CALN1: variants seen among roughly 807,000 people sequenced by gnomAD.
CALN1 encodes calneuron 1.
In CALN1, 17 loss-of-function variants were observed where a neutral mutation model predicts 30.6. The ratio of observed to expected loss-of-function variants is 0.56; its 90% CI spans 0.38 to 0.83. CALN1 has a LOEUF of 0.83. Among genes scored for constraint, CALN1 ranks in the 40% least tolerant of loss-of-function variants. CALN1 has a pLI of 0.00. For synonymous variants in CALN1, 156 were observed against 131.4 expected, an observed-to-expected ratio of 1.19 and a Z score of -1.28; for missense variants, 291 against 354.9, an observed-to-expected ratio of 0.82 and a Z score of 1.45.
chr7:71,825,840 C>T (rs1788876645), intron 5 of CALN1, among the ~76,000 whole-genome samples: 1 of 151,890 alleles, frequency 6.6e-6, no homozygotes, highest in Admixed American at 6.6e-5. Flanking sequence ...CAAGACCAGC[C>T]TGACCAACAC....
chr7:72,477,776 T>G, the CALN1 span, among the ~76,000 whole-genome samples: 1 of 152,166 alleles, frequency 6.6e-6, no homozygotes, highest in South Asian at 2.1e-4. Context: ...CCTAGGCTGG[T>G]CTCGAACTCC....
intron 5 of CALN1, among the ~76,000 whole-genome samples, chr7:72,009,690 C>T (rs1217784924): frequency 6.6e-6 from 1 of 152,134 alleles, no homozygotes; most frequent in Non-Finnish European, 1.5e-5. Flanking sequence ...GTGGTTTCCC[C>T]CATACTGTTC....
chr7:71,828,588 G>C (rs1789067895), intron 5 of CALN1, among the ~76,000 whole-genome samples: 1 of 150,826 alleles, frequency 6.6e-6, no homozygotes, highest in Admixed American at 6.6e-5. Context: ...ATCTTCCAGT[G>C]ACCTAGAAGC....
chr7:72,225,563 C>T lies in CALN1; in HGVS notation c.244+53123G>A, dbSNP rs111493153. Among the ~76,000 whole-genome samples, 416 of 152,068 alleles carry T rather than the reference C, an allele frequency of 2.7e-3. 2 individuals are homozygous for T. The highest frequency in any genetic ancestry group is 9.4e-3 in the African/African-American group (392 of 41,518). On this transcript the variant is annotated intron_variant, in intron 3 of 6. Coordinates refer to ENST00000395275, the MANE Select transcript of CALN1 (RefSeq NM_031468.4). ...CTAGACGGAAAGATCACACACAGCT[C>T]GGTCTCTGAAGACTGATAATTCCAC...
At position 71,827,146 on chromosome 7, in the gene CALN1, A is replaced by T. The variant is rs539415133; in HGVS notation, c.502-16654T>A. 1.9e-3 allele frequency among the ~76,000 whole-genome samples: 295 copies of T among 152,322 alleles called. 3 individuals are homozygous for T. Among genetic ancestry groups the T allele is most frequent in the Non-Finnish European group, 2.1e-3 (146 of 68,026 alleles). On this transcript the variant is annotated intron_variant, in intron 5 of 6. Transcript: ENST00000395275. Reference sequence around the variant, plus strand: ...TACATCATGGGTGAGAGGAGGCTGCATTTCAACTTGGCGTGTCACTTAAAT... The same window carrying T: ...TACATCATGGGTGAGAGGAGGCTGCTTTTCAACTTGGCGTGTCACTTAAAT...
intron 5 of CALN1, among the ~76,000 whole-genome samples, chr7:71,940,840 T>G (rs1452486549): frequency 6.6e-6 from 1 of 152,172 alleles, no homozygotes; most frequent in Non-Finnish European, 1.5e-5. Flanking sequence ...CTCAAACTCC[T>G]GAGCTAGGCA....
intron 2 of CALN1, among the ~76,000 whole-genome samples, chr7:72,294,469 C>G (rs4601191): frequency 0.99 from 150,290 of 152,226 alleles, 74,211 homozygotes; most frequent in Middle Eastern, 1. Flanking sequence ...AGAAAAACTG[C>G]CTGGGCACAG....
chr7:72,403,743 G>C (rs190459947), intron 1 of CALN1, among the ~76,000 whole-genome samples: 1 of 152,312 alleles, frequency 6.6e-6, no homozygotes, highest in African/African-American at 2.4e-5. Flanking sequence ...TATGTGCAGT[G>C]TGGAGAAAGC....
intron 2 of CALN1, among the ~76,000 whole-genome samples, chr7:72,374,553 A>G (rs1804433016): frequency 7.7e-6 from 1 of 129,556 alleles, no homozygotes; most frequent in Non-Finnish European, 1.9e-5. Context: ...AAAAAGGAAA[A>G]AAAAGAAAAA....
intron 2 of CALN1, among the ~76,000 whole-genome samples, chr7:72,367,880 T>G (rs1803967981): frequency 6.6e-6 from 1 of 151,948 alleles, no homozygotes. Flanking sequence ...ACACCTGTAA[T>G]AACAACACTT....
intron 3 of CALN1, among the ~76,000 whole-genome samples, chr7:72,214,518 T>C (rs956616308): frequency 6.6e-6 from 1 of 151,602 alleles, no homozygotes; most frequent in Non-Finnish European, 1.5e-5. Flanking sequence ...AAAAGAAATA[T>C]CTGCATATTA....
intron 5 of CALN1, among the ~76,000 whole-genome samples, chr7:71,956,848 C>A (rs1325982583): frequency 1.3e-5 from 2 of 152,198 alleles, no homozygotes; most frequent in East Asian, 3.9e-4. Flanking sequence ...AGGCACCCAC[C>A]ATCACGCCTG....
intron 3 of CALN1, among the ~76,000 whole-genome samples, chr7:72,262,933 A>G (rs1220613168): frequency 6.6e-6 from 1 of 152,210 alleles, no homozygotes; most frequent in Non-Finnish European, 1.5e-5. Context: ...TAAGACACAA[A>G]GACTCACAAT....
At chr7:72,035,464 G>C (rs1177763279) in intron 4 of CALN1, among the ~76,000 whole-genome samples, 1 of 152,156 alleles carries the variant, frequency 6.6e-6, no homozygotes, top group East Asian at 1.9e-4. Flanking sequence ...GACTAATAAG[G>C]AGGAACTTAC....
At chr7:72,092,429 A>AAC (rs373673416) in intron 4 of CALN1, among the ~76,000 whole-genome samples, 2,941 of 150,988 alleles carry the variant, frequency 0.019, 91 homozygotes, top group African/African-American at 0.068. Context: ...CAAAATTTAT[A>AAC]ACACACACAC....
At chr7:72,440,158 C>T (rs546508491) in intron 1 of CALN1, among the ~76,000 whole-genome samples, 4 of 152,298 alleles carry the variant, frequency 2.6e-5, no homozygotes, top group Non-Finnish European at 4.4e-5. Context: ...TGTCAGTCCC[C>T]GGAGAGAGAA....
At chr7:72,203,807 A>G (rs1263658386) in intron 3 of CALN1, among the ~76,000 whole-genome samples, 5 of 152,196 alleles carry the variant, frequency 3.3e-5, no homozygotes. Flanking sequence ...TTATTGTTTA[A>G]TAACATTTTT....
At chr7:72,125,054 A>C (rs1216543164) in intron 3 of CALN1, among the ~76,000 whole-genome samples, 1 of 152,138 alleles carries the variant, frequency 6.6e-6, no homozygotes, top group Non-Finnish European at 1.5e-5. Context: ...TTTGAAACGG[A>C]GTCTCACTTT....
intron 6 of CALN1, among the ~76,000 whole-genome samples, chr7:71,803,210 T>C (rs1787409186): frequency 6.6e-6 from 1 of 151,880 alleles, no homozygotes; most frequent in South Asian, 2.1e-4. Flanking sequence ...TTCAGAGGGG[T>C]GAAATGAATT....
Sources: gnomAD v4.1 joint callset for allele counts (sites outside exome capture counted in the v4.1 genomes callset) on GRCh38, gnomAD v4.1.1 for gene constraint, MANE v1.5 for transcripts, NCBI Gene and HGNC (gene_info 2026-07-23, HGNC 2026-07-21) for gene names.